The following ST8SIA4 variants were observed in gnomAD, a reference collection of about 807,000 sequenced individuals.
ST8SIA4 encodes the protein CMP-N-acetylneuraminate-poly-alpha-2,8-sialyltransferase.
In ST8SIA4, 15 loss-of-function variants were observed where a neutral mutation model predicts 33.9. The observed-to-expected ratio is 0.44, with a 90% CI of 0.30 to 0.68. The LOEUF is 0.68. ST8SIA4 is among the 30% of genes least tolerant of loss of function. ST8SIA4 has a pLI of 0.10. For missense variants in ST8SIA4, 321 were observed against 428.0 expected, an observed-to-expected ratio of 0.75 and a Z score of 2.21; for synonymous variants, 171 against 151.2, an observed-to-expected ratio of 1.13 and a Z score of -0.96.
At chr5:100,813,101 C>A (rs1187813604) in intron 4 of ST8SIA4, among the ~76,000 whole-genome samples, 1 of 151,878 alleles carries the variant, frequency 6.6e-6, no homozygotes, top group Non-Finnish European at 1.5e-5. Context: ...TATGTTAGAT[C>A]CTGTTTGTTG....
At chr5:100,826,449 C>T (rs1751145359) in intron 4 of ST8SIA4, among the ~76,000 whole-genome samples, 1 of 152,030 alleles carries the variant, frequency 6.6e-6, no homozygotes, top group Non-Finnish European at 1.5e-5. Context: ...GATGGCTAAG[C>T]CATCTGGGGA....
intron 3 of ST8SIA4, among the ~76,000 whole-genome samples, chr5:100,861,544 G>A (rs966257): frequency 5.9e-5 from 9 of 151,984 alleles, no homozygotes; most frequent in Admixed American, 2.0e-4. Context: ...GCTTAGATTT[G>A]GGAGGGGAGA....
intron 3 of ST8SIA4, among the ~76,000 whole-genome samples, chr5:100,879,847 C>T (rs534103382): frequency 1.3e-5 from 2 of 152,234 alleles, no homozygotes; most frequent in African/African-American, 4.8e-5. Context: ...ACAGCTTCTG[C>T]ATTTACTGTA....
In ST8SIA4 at chr5:100,809,459, AAAAAAAG is replaced by A. The variant is rs1169307927; in HGVS notation, c.*2381_*2387del. The A allele has an allele frequency of 6.0e-5, 9 of 151,244 alleles. No homozygotes were observed. The highest frequency in any genetic ancestry group is 1.7e-4 in the African/African-American group (7 of 40,770). The allele number at this position is 151,244 out of a possible 1,614,324, so 9.4% of individuals were successfully genotyped here. On this transcript the variant is annotated 3_prime_UTR_variant, in exon 5 of 5. Coordinates refer to ENST00000231461, the MANE Select transcript of ST8SIA4 (RefSeq NM_005668.6). ...AGTGAGACTCCATCTCAAAAAAAAA[AAAAAAAG>A]AAAAAAGAAAAAGGAAGAAAATATG...
intron 3 of ST8SIA4, among the ~76,000 whole-genome samples, chr5:100,879,738 C>T (rs934870012): frequency 2.6e-5 from 4 of 152,088 alleles, no homozygotes; most frequent in South Asian, 2.1e-4. Context: ...CAAAGAGGCA[C>T]GCAAAGCAGA....
At chr5:100,833,528 G>A (rs1251623760) in intron 4 of ST8SIA4, among the ~76,000 whole-genome samples, 1 of 152,078 alleles carries the variant, frequency 6.6e-6, no homozygotes, top group African/African-American at 2.4e-5. Context: ...TACTGGTTAT[G>A]TTAACTTGGG....
intron 4 of ST8SIA4, among the ~76,000 whole-genome samples, chr5:100,813,911 T>C (rs148804150): frequency 1.7e-3 from 256 of 152,066 alleles, no homozygotes; most frequent in African/African-American, 6.0e-3. Context: ...GCAAAGTCAA[T>C]GATTAGGAAC....
intron 1 of ST8SIA4, among the ~76,000 whole-genome samples, chr5:100,897,648 T>G (rs1349811462): frequency 2.0e-5 from 3 of 152,168 alleles, no homozygotes; most frequent in African/African-American, 7.2e-5. Flanking sequence ...GCCTTATAGT[T>G]TGGTATTTTG....
chr5:100,822,839 G>C (rs1751056471), intron 4 of ST8SIA4, among the ~76,000 whole-genome samples: 1 of 152,072 alleles, frequency 6.6e-6, no homozygotes, highest in Non-Finnish European at 1.5e-5. Flanking sequence ...AAAACCGTTT[G>C]CAATAAAGAA....
At chr5:100,848,447 AGT>A (rs1057100924) in intron 4 of ST8SIA4, among the ~76,000 whole-genome samples, 1 of 150,050 alleles carries the variant, frequency 6.7e-6, no homozygotes, top group Admixed American at 6.7e-5. Flanking sequence ...ATATATGTGC[AGT>A]GTGTGTATAT....
intron 4 of ST8SIA4, among the ~76,000 whole-genome samples, chr5:100,834,487 G>C (rs937204338): frequency 2.0e-5 from 3 of 152,058 alleles, no homozygotes; most frequent in African/African-American, 4.8e-5. Flanking sequence ...AGTTTCTAAA[G>C]CTTTAATATT....
chr5:100,873,937 A>G (rs941782134), intron 3 of ST8SIA4, among the ~76,000 whole-genome samples: 2 of 152,186 alleles, frequency 1.3e-5, no homozygotes, highest in African/African-American at 4.8e-5. Context: ...TTGAAAGATA[A>G]CTACAGAAAA....
At chr5:100,842,150 G>C (rs1164585290) in intron 4 of ST8SIA4, among the ~76,000 whole-genome samples, 3 of 151,814 alleles carry the variant, frequency 2.0e-5, no homozygotes, top group Non-Finnish European at 1.5e-5. Flanking sequence ...CTTTTATTCA[G>C]TCTGATAGGA....
intron 3 of ST8SIA4, among the ~76,000 whole-genome samples, chr5:100,861,181 CACACAT>C (rs1751933044): frequency 6.7e-6 from 1 of 149,060 alleles, no homozygotes; most frequent in African/African-American, 2.6e-5. Context: ...ACACAAAATA[CACACAT>C]ACACACACAC....
chr5:100,886,668 A>C, intron 2 of ST8SIA4, 68 bp from the exon 3 acceptor site: 1 of 1,307,284 alleles, frequency 7.6e-7, no homozygotes. Context: ...GGTGTCATTT[A>C]CAAAGTAACT....
intron 2 of ST8SIA4, among the ~76,000 whole-genome samples, chr5:100,888,674 C>G (rs1260795468): frequency 6.6e-6 from 1 of 151,904 alleles, no homozygotes; most frequent in Non-Finnish European, 1.5e-5. Flanking sequence ...CATCCCTTGA[C>G]TCCATCAAAA....
At chr5:100,822,229 G>T (rs1209684384) in intron 4 of ST8SIA4, among the ~76,000 whole-genome samples, 1 of 152,004 alleles carries the variant, frequency 6.6e-6, no homozygotes, top group Non-Finnish European at 1.5e-5. Flanking sequence ...TCAAACCATC[G>T]CTAATTTTCC....
chr5:100,883,912 T>C (rs1402004735), intron 3 of ST8SIA4, among the ~76,000 whole-genome samples: 3 of 152,156 alleles, frequency 2.0e-5, no homozygotes, highest in African/African-American at 4.8e-5. Flanking sequence ...AGCATGAAAA[T>C]GGACTAATAC....
chr5:100,846,907 C>T (rs1412513365), intron 4 of ST8SIA4, among the ~76,000 whole-genome samples: 1 of 152,062 alleles, frequency 6.6e-6, no homozygotes, highest in Non-Finnish European at 1.5e-5. Context: ...TTCCACATTA[C>T]ACAATGCAAT....
Sources: gnomAD v4.1 joint callset for allele counts (sites outside exome capture counted in the v4.1 genomes callset) on GRCh38, gnomAD v4.1.1 for gene constraint, MANE v1.5 for transcripts, NCBI Gene and HGNC (gene_info 2026-07-23, HGNC 2026-07-21) for gene names.